Variants in TTC12 observed in about 807,000 individuals in gnomAD.
TTC12 encodes the protein tetratricopeptide repeat domain 12.
In TTC12, 70 loss-of-function variants were observed where a neutral mutation model predicts 90.1. That is an observed-to-expected ratio of 0.78 (90% CI 0.64 to 0.95). TTC12 has a LOEUF of 0.95. Among genes scored for constraint, TTC12 ranks in the 40% least tolerant of loss-of-function variants. The probability of loss-of-function intolerance (pLI) is 0.00; values close to 1 mark genes in which losing one functional copy is unlikely to be tolerated. For missense variants in TTC12, 819 were observed against 846.1 expected (o/e 0.97, Z 0.40); for synonymous variants, 296 against 311.5 (o/e 0.95, Z 0.53).
Position 113,350,121 on chromosome 11 carries a change from C to G in TTC12, c.1203C>G (p.Ala401=). Residue 401 remains alanine (A), a synonymous_variant, in exon 14 of 22, where the codon GCC becomes GCG. Transcript: ENST00000529221. ...VSFLDFSDKE[A]NTAMGLFTDL... is the part of the protein sequence containing the mutation. ...TTCTTGATTTCTCGGATAAGGAGGC[C>G]AACACTGCTATGGGACTGTTCACAG... The G allele has an allele frequency of 6.2e-7, 1 of 1,613,880 alleles. No homozygotes were observed.
rs184026270 is a variant in TTC12 at position 113,323,469 on chromosome 11, G to A, written c.222+18G>A. 7.6e-5 allele frequency: 118 copies of A among 1,548,522 alleles called. 2 individuals carry two copies. In the African/African-American group the frequency reaches 1.5e-3, roughly 19 times the overall value. ...CTATGAAGGTTTCTTTTTCTATTGA[G>A]AAGTTATATAAGTACTTACAGTGAG... On this transcript the variant is annotated intron_variant, in intron 3 of 21. Coordinates refer to ENST00000529221, the MANE Select transcript of TTC12 (RefSeq NM_017868.4).
chr11:113,363,714 T>C, intron 19 of TTC12, 114 bp from the exon 20 acceptor site: 1 of 693,270 alleles, frequency 1.4e-6, no homozygotes, highest in Non-Finnish European at 2.4e-6. Flanking sequence ...TCAGTAGAAT[T>C]CTCTTTTCAG....
chr11:113,358,626 A>G (rs1387251833), intron 16 of TTC12, among the ~76,000 whole-genome samples: 2 of 152,156 alleles, frequency 1.3e-5, no homozygotes, highest in African/African-American at 4.8e-5. Flanking sequence ...AGTTGAGCCT[A>G]GTGGGGATGG....
Position 113,364,882 on chromosome 11 carries a change from G to C in TTC12, c.1864G>C (p.Val622Leu), listed in dbSNP as rs762424969. Reference sequence around the variant, plus strand: ...GCTCAGCTCGGAGGATGAGGTTCTGGTGGGCAACGCTGCCCTCTGCCTTGG... The same window carrying C: ...GCTCAGCTCGGAGGATGAGGTTCTGCTGGGCAACGCTGCCCTCTGCCTTGG... ...KLLSSEDEVLVGNAALCLGNC... is the reference protein window; with the variant it reads ...KLLSSEDEVLLGNAALCLGNC... Residue 622 changes from valine (V) to leucine (L), a missense_variant, in exon 21 of 22, where the codon GTG (valine) becomes CTG (leucine). Transcript: ENST00000529221. 2 of 1,614,204 alleles carry C rather than the reference G, an allele frequency of 1.2e-6. No homozygotes were observed. The highest frequency in any genetic ancestry group is 2.2e-5 in the East Asian group (1 of 44,884).
intron 1 of TTC12, chr11:113,314,826 G>T (rs1946819151): frequency 1.3e-5 from 2 of 152,464 alleles, no homozygotes; most frequent in African/African-American, 4.8e-5. Context: ...GTGCGGCCTG[G>T]CCTCTTTGCG....
At chr11:113,359,270 T>C in intron 16 of TTC12, 93 bp from the exon 17 acceptor site, 2 of 770,502 alleles carry the variant, frequency 2.6e-6, no homozygotes, top group South Asian at 1.7e-5. Flanking sequence ...TTAGGGAGTG[T>C]GGGGAACTCT....
Position 113,324,614 on chromosome 11 carries a change from T to G in TTC12, c.254T>G (p.Leu85Trp). Residue 85 changes from leucine to tryptophan, a missense_variant, in exon 5 of 22, where the codon TTG becomes TGG. Leu to Trp is a moderately conservative substitution (Grantham distance 61). Coordinates refer to ENST00000529221, the MANE Select transcript of TTC12 (RefSeq NM_017868.4). The part of the protein sequence containing the change: ...SAEEINSEAF[L>W]ASVEKDAKER... ...ATTACCCTGCTGTCAGAGGCCTTCTTGGCATCTGTGGAGAAGGATGCAAAG... is the reference window on the plus strand; with the variant it reads ...ATTACCCTGCTGTCAGAGGCCTTCTGGGCATCTGTGGAGAAGGATGCAAAG... 6.2e-7 allele frequency: 1 copy of G among 1,613,702 alleles called. No individual in the cohort carries two copies. Among genetic ancestry groups the G allele is most frequent in the East Asian group, 2.2e-5 (1 of 44,874 alleles).
chr11:113,361,513 C>T (rs1949920617), intron 18 of TTC12, among the ~76,000 whole-genome samples: 1 of 152,170 alleles, frequency 6.6e-6, no homozygotes. Context: ...ATGAAGATTT[C>T]AAAACTCCCG....
chr11:113,372,592 C>T (rs868053448), intron 21 of TTC12, among the ~76,000 whole-genome samples: 2 of 152,214 alleles, frequency 1.3e-5, no homozygotes, highest in Non-Finnish European at 2.9e-5. Context: ...AGATGCATTC[C>T]GTATACTGCA....
chr11:113,345,560 T>C (rs558589920), intron 13 of TTC12, among the ~76,000 whole-genome samples: 4 of 152,296 alleles, frequency 2.6e-5, no homozygotes, highest in Admixed American at 2.0e-4. Context: ...TGTAGGTCCA[T>C]GTGTGCCGTG....
chr11:113,322,151 T>G (rs1947375901), intron 2 of TTC12, among the ~76,000 whole-genome samples: 1 of 152,198 alleles, frequency 6.6e-6, no homozygotes, highest in Non-Finnish European at 1.5e-5. Flanking sequence ...CAATTAAAAA[T>G]TTATAATTTC....
At position 113,364,941 on chromosome 11, in the gene TTC12, C is replaced by T; in HGVS notation, c.1923C>T (p.Ser641=). The change falls in exon 21 of 22, where the codon TCC becomes TCT. Residue 641 remains serine (S), a synonymous_variant. Coordinates refer to ENST00000529221, the MANE Select transcript of TTC12 (RefSeq NM_017868.4). ...TGGAGGTGCCCAACGTTGCGTCTTC[C>T]CTGCTAAAGACGGACCTTTTGCAGG... The part of the protein sequence containing the change: ...NCMEVPNVAS[S]LLKTDLLQVL... The T allele has an allele frequency of 1.2e-6, 2 of 1,614,186 alleles. No homozygotes were observed. The highest frequency in any genetic ancestry group is 8.5e-7 in the Non-Finnish European group (1 of 1,180,034).
At chr11:113,342,346 A>G (rs1374777988) in intron 12 of TTC12, among the ~76,000 whole-genome samples, 1 of 152,128 alleles carries the variant, frequency 6.6e-6, no homozygotes, top group Admixed American at 6.5e-5. Context: ...TAGTATTGAG[A>G]CAGTAGAATG....
At chr11:113,366,753 A>G (rs1369957476), downstream of TTC12, among the ~76,000 whole-genome samples, 1 of 152,222 alleles carries the variant, frequency 6.6e-6, no homozygotes, top group African/African-American at 2.4e-5. Flanking sequence ...TTGCATTGGC[A>G]TCATTGGTGG....
intron 7 of TTC12, among the ~76,000 whole-genome samples, chr11:113,330,718 G>C (rs1248928182): frequency 1.3e-5 from 2 of 152,204 alleles, no homozygotes; most frequent in African/African-American, 4.8e-5. Context: ...CAGCAGAGGA[G>C]AATGAACATG....
chr11:113,344,240 T>C (rs781880251), intron 12 of TTC12, 32 bp from the exon 13 acceptor site: 2 of 1,585,584 alleles, frequency 1.3e-6, no homozygotes, highest in Non-Finnish European at 1.7e-6. Context: ...CATGATGGCA[T>C]GCACAAGACA....
intron 13 of TTC12, among the ~76,000 whole-genome samples, chr11:113,346,022 T>C (rs1591584429): frequency 6.6e-6 from 1 of 152,260 alleles, no homozygotes; most frequent in African/African-American, 2.4e-5. Flanking sequence ...CAGAATGGGT[T>C]CTCTGTGATG....
intron 7 of TTC12, among the ~76,000 whole-genome samples, chr11:113,332,559 G>T (rs782347254): frequency 6.6e-6 from 1 of 152,020 alleles, no homozygotes; most frequent in East Asian, 1.9e-4. Context: ...TTTATCCTTT[G>T]TGAATTCATG....
At chr11:113,343,827 A>G (rs782321090) in intron 12 of TTC12, among the ~76,000 whole-genome samples, 12 of 152,224 alleles carry the variant, frequency 7.9e-5, no homozygotes, top group Non-Finnish European at 5.9e-5. Flanking sequence ...ACATTTCCTC[A>G]GATGACTACT....
Sources: gnomAD v4.1 joint callset for allele counts (sites outside exome capture counted in the v4.1 genomes callset) on GRCh38, gnomAD v4.1.1 for gene constraint, MANE v1.5 for transcripts, NCBI Gene and HGNC (gene_info 2026-07-23, HGNC 2026-07-21) for gene names.